Variants in ASIC2 observed in about 807,000 individuals in gnomAD.
The protein encoded by ASIC2 is acid sensing ion channel subunit 2, also known as acid-sensing ion channel 2.
Under a neutral mutation model 57.3 loss-of-function variants are expected in ASIC2, and 25 were observed. That is an observed-to-expected ratio of 0.44 (90% CI 0.32 to 0.61). The LOEUF is 0.61. Ranked by LOEUF, ASIC2 falls within the 20% of genes least tolerant of loss-of-function variation. ASIC2 has a pLI of 0.06. For synonymous variants in ASIC2, 319 were observed against 307.5 expected (o/e 1.04, Z -0.39); for missense variants, 641 against 738.1 (o/e 0.87, Z 1.52).
intron 1 of ASIC2, among the ~76,000 whole-genome samples, chr17:33,147,713 G>T (rs922567641): frequency 6.6e-6 from 1 of 152,132 alleles, no homozygotes; most frequent in Non-Finnish European, 1.5e-5. Context: ...GTGAAATCCC[G>T]GGCCAGTGCC....
intron 2 of ASIC2, among the ~76,000 whole-genome samples, chr17:33,109,625 G>A (rs1314451269): frequency 6.6e-6 from 1 of 152,152 alleles, no homozygotes; most frequent in Non-Finnish European, 1.5e-5. Flanking sequence ...CTGAAAGATG[G>A]GGTCTTTTCT....
intron 1 of ASIC2, among the ~76,000 whole-genome samples, chr17:33,829,026 A>T (rs1438047090): frequency 6.6e-6 from 1 of 152,196 alleles, no homozygotes; most frequent in East Asian, 1.9e-4. Context: ...GTTCCCTGAG[A>T]TGTGTGTGGT....
In ASIC2 at chr17:33,235,821, T is replaced by C. The variant is rs534284642; in HGVS notation, c.708+55587A>G. On this transcript the variant is annotated intron_variant, in intron 1 of 9. Coordinates refer to ENST00000225823, the MANE Select transcript of ASIC2 (RefSeq NM_183377.2). ...TGATGAGATTTGGGGCTTTTTGAGCTGATGATATATCATTATTATTATTAT... is the reference window on the plus strand; with the variant it reads ...TGATGAGATTTGGGGCTTTTTGAGCCGATGATATATCATTATTATTATTAT... 2.0e-5 allele frequency among the ~76,000 whole-genome samples: 3 copies of C among 152,280 alleles called. No homozygotes were observed. In the East Asian group the frequency reaches 5.8e-4, roughly 29 times the overall value.
chr17:33,931,968 C>T (rs561652407), intron 1 of ASIC2, among the ~76,000 whole-genome samples: 5 of 152,310 alleles, frequency 3.3e-5, no homozygotes, highest in African/African-American at 1.2e-4. Context: ...TAGATGAGAG[C>T]CATGCTGGGT....
At chr17:33,180,147 A>T (rs1425373750) in intron 1 of ASIC2, among the ~76,000 whole-genome samples, 1 of 152,196 alleles carries the variant, frequency 6.6e-6, no homozygotes, top group East Asian at 1.9e-4. Context: ...TAGGATCTTG[A>T]CCTACACTCT....
At chr17:33,724,397 C>T (rs1909481754) in intron 1 of ASIC2, among the ~76,000 whole-genome samples, 1 of 152,168 alleles carries the variant, frequency 6.6e-6, no homozygotes. Flanking sequence ...AGTTCTGAGC[C>T]GACTTACGTC....
At chr17:34,085,413 T>G (rs1163600274) in intron 1 of ASIC2, among the ~76,000 whole-genome samples, 2 of 152,240 alleles carry the variant, frequency 1.3e-5, no homozygotes, top group Non-Finnish European at 2.9e-5. Flanking sequence ...GGATAAGCTT[T>G]CTGATGTGCT....
At chr17:33,557,136 A>G (rs925743634) in intron 1 of ASIC2, among the ~76,000 whole-genome samples, 2 of 152,126 alleles carry the variant, frequency 1.3e-5, no homozygotes, top group African/African-American at 2.4e-5. Context: ...TACTTCCTAT[A>G]ATGTGGTAAA....
chr17:33,643,147 T>C (rs376973311), intron 1 of ASIC2, among the ~76,000 whole-genome samples: 5,952 of 148,818 alleles, frequency 0.04, 143 homozygotes, highest in South Asian at 0.1. Flanking sequence ...CATGCTCATT[T>C]CCCCCCCCCC....
intron 1 of ASIC2, among the ~76,000 whole-genome samples, chr17:33,562,352 G>T (rs1916099562): frequency 6.6e-6 from 1 of 152,128 alleles, no homozygotes; most frequent in African/African-American, 2.4e-5. Context: ...TACGCTAGGT[G>T]CTTAGAAATG....
At chr17:33,677,779 A>G (rs185187539) in intron 1 of ASIC2, among the ~76,000 whole-genome samples, 25 of 152,310 alleles carry the variant, frequency 1.6e-4, no homozygotes, top group African/African-American at 6.0e-4. Flanking sequence ...GTTGTTTTTT[A>G]TGGGTGAGCA....
intron 4 of ASIC2, 142 bp from the exon 5 acceptor site, chr17:33,026,124 G>A: frequency 2.5e-6 from 2 of 807,082 alleles, no homozygotes; most frequent in Admixed American, 5.2e-5. Flanking sequence ...TTCGAAGGGA[G>A]CCTTGGATCA....
intron 1 of ASIC2, among the ~76,000 whole-genome samples, chr17:33,370,699 G>C (rs991634382): frequency 2.6e-5 from 4 of 152,164 alleles, no homozygotes; most frequent in African/African-American, 9.7e-5. Context: ...ATTCCCACTG[G>C]GATTCTCTCT....
intron 1 of ASIC2, among the ~76,000 whole-genome samples, chr17:33,685,279 C>T (rs1286703361): frequency 6.6e-6 from 1 of 152,206 alleles, no homozygotes; most frequent in Admixed American, 6.5e-5. Flanking sequence ...TCCTGATCTA[C>T]CATGCCCTGC....
chr17:33,461,285 T>G (rs188960949), intron 1 of ASIC2, among the ~76,000 whole-genome samples: 5 of 152,242 alleles, frequency 3.3e-5, no homozygotes, highest in African/African-American at 9.6e-5. Context: ...TGTGACATAC[T>G]GGTCTTGCCC....
chr17:33,463,693 A>T (rs1223429988), intron 1 of ASIC2, among the ~76,000 whole-genome samples: 1 of 151,936 alleles, frequency 6.6e-6, no homozygotes, highest in African/African-American at 2.4e-5. Flanking sequence ...AGACTCTCAG[A>T]CTCCTGCCCT....
In ASIC2 at chr17:33,021,226, G is replaced by A. The variant is rs760128555; in HGVS notation, c.1434C>T (p.Ala478=). Residue 478 remains alanine (A), a synonymous_variant, in exon 7 of 10, where the codon GCC becomes GCT. Coordinates refer to ENST00000225823, the MANE Select transcript of ASIC2 (RefSeq NM_183377.2). ...CAATAGACACTGACTTACCAAGTAAGGCAGCAACTTCATACGCCTTCTTCT... is the reference window on the plus strand; with the variant it reads ...CAATAGACACTGACTTACCAAGTAAAGCAGCAACTTCATACGCCTTCTTCT... ...IEQKKAYEVA[A]LLGDIGGQMG... 2 of 1,375,114 alleles carry A rather than the reference G, an allele frequency of 1.5e-6. No individual in the cohort carries two copies. The highest frequency in any genetic ancestry group is 1.9e-6 in the Non-Finnish European group (2 of 1,029,828). 85.2% of individuals were successfully genotyped at this position (1,375,114 alleles called of 1,614,324 possible).
chr17:34,053,603 G>A (rs975326539), intron 1 of ASIC2, among the ~76,000 whole-genome samples: 2 of 152,136 alleles, frequency 1.3e-5, no homozygotes, highest in Non-Finnish European at 2.9e-5. Flanking sequence ...CACATAATCT[G>A]CCCAATTAAC....
intron 1 of ASIC2, chr17:34,120,165 T>C (rs982348962): frequency 1.9e-4 from 29 of 152,252 alleles, no homozygotes; most frequent in Admixed American, 1.8e-3. Context: ...AGTATGGCCA[T>C]AGATTTGAGC....
Sources: gnomAD v4.1 joint callset for allele counts (sites outside exome capture counted in the v4.1 genomes callset) on GRCh38, gnomAD v4.1.1 for gene constraint, MANE v1.5 for transcripts, NCBI Gene and HGNC (gene_info 2026-07-23, HGNC 2026-07-21) for gene names.